The following UGGT2 variants were observed in gnomAD, a reference collection of about 807,000 sequenced individuals.
UGGT2 encodes the protein UDP-glucose:glycoprotein glucosyltransferase 2.
UGGT2 carries 180 observed loss-of-function variants against 192.1 expected under a neutral mutation model. The ratio of observed to expected loss-of-function variants is 0.94; its 90% CI spans 0.83 to 1.06. The LOEUF is 1.06. Ranked by LOEUF, UGGT2 falls within the 50% of genes least tolerant of loss-of-function variation. The pLI, the probability that UGGT2 is intolerant of heterozygous loss-of-function variation, is 0.00. For synonymous variants in UGGT2, 580 were observed against 591.0 expected, an observed-to-expected ratio of 0.98 and a Z score of 0.27; for missense variants, 1,849 against 1,795.7, an observed-to-expected ratio of 1.03 and a Z score of -0.54.
At chr13:96,049,118 A>G (rs1165499282) in intron 1 of UGGT2, among the ~76,000 whole-genome samples, 1 of 152,226 alleles carries the variant, frequency 6.6e-6, no homozygotes, top group Non-Finnish European at 1.5e-5. Flanking sequence ...CAGCATCTCA[A>G]AAAGCTTATC....
At chr13:95,935,022 GTTTGT>G (rs1255246638) in intron 17 of UGGT2, among the ~76,000 whole-genome samples, 2 of 152,114 alleles carry the variant, frequency 1.3e-5, no homozygotes, top group African/African-American at 4.8e-5. Context: ...TTGGTTTCAA[GTTTGT>G]TTTATCTAAG....
intron 38 of UGGT2, among the ~76,000 whole-genome samples, chr13:95,824,086 T>C (rs1296864759): frequency 6.6e-6 from 1 of 152,094 alleles, no homozygotes; most frequent in Non-Finnish European, 1.5e-5. Context: ...TGACTAACAG[T>C]TATTCTGTTT....
chr13:95,958,881 C>T (rs537962863), intron 12 of UGGT2, among the ~76,000 whole-genome samples: 30 of 152,272 alleles, frequency 2.0e-4, no homozygotes, highest in African/African-American at 6.5e-4. Flanking sequence ...TCCACGTTTC[C>T]ACTACGGACT....
chr13:95,812,332 C>T (rs1190401752), intron 38 of UGGT2, among the ~76,000 whole-genome samples: 1 of 152,070 alleles, frequency 6.6e-6, no homozygotes, highest in Non-Finnish European at 1.5e-5. Flanking sequence ...CACAGAACAC[C>T]CTTGTATAAA....
At chr13:95,905,739 C>T (rs1263556186) in intron 20 of UGGT2, among the ~76,000 whole-genome samples, 2 of 152,138 alleles carry the variant, frequency 1.3e-5, no homozygotes, top group Admixed American at 6.5e-5. Context: ...GTGATGCCTC[C>T]AGCTTTGTTC....
chr13:96,051,068 A>G (rs1355351336), intron 1 of UGGT2, among the ~76,000 whole-genome samples: 1 of 152,222 alleles, frequency 6.6e-6, no homozygotes, highest in African/African-American at 2.4e-5. Flanking sequence ...AATAGCAAAG[A>G]CTTGGAACCA....
chr13:96,011,780 A>G (rs1395381386), intron 5 of UGGT2, among the ~76,000 whole-genome samples: 2 of 152,120 alleles, frequency 1.3e-5, no homozygotes, highest in Non-Finnish European at 2.9e-5. Context: ...GAAACCCAAC[A>G]TTGTACATCA....
chr13:95,935,912 C>T (rs2049447242), intron 17 of UGGT2, among the ~76,000 whole-genome samples: 1 of 152,154 alleles, frequency 6.6e-6, no homozygotes, highest in South Asian at 2.1e-4. Context: ...CTGCAGCCTC[C>T]ATCTCCTAGG....
At chr13:95,949,873 A>C (rs558665605) in intron 12 of UGGT2, among the ~76,000 whole-genome samples, 28 of 152,304 alleles carry the variant, frequency 1.8e-4, no homozygotes, top group African/African-American at 6.3e-4. Flanking sequence ...TATAAAATCA[A>C]CATCTTAGAA....
At chr13:96,018,193 GC>G (rs1482503949) in intron 4 of UGGT2, among the ~76,000 whole-genome samples, 1 of 152,046 alleles carries the variant, frequency 6.6e-6, no homozygotes, top group Non-Finnish European at 1.5e-5. Flanking sequence ...GTCTGGAACT[GC>G]CCCAAAACTT....
intron 12 of UGGT2, among the ~76,000 whole-genome samples, chr13:95,953,315 G>A (rs74106068): frequency 0.012 from 1,758 of 152,268 alleles, 40 homozygotes; most frequent in African/African-American, 0.039. Flanking sequence ...TTAGTATTCC[G>A]TAAGAAAAAT....
chr13:96,051,193 G>A (rs966197061), intron 1 of UGGT2, among the ~76,000 whole-genome samples: 10 of 152,192 alleles, frequency 6.6e-5, no homozygotes, highest in Non-Finnish European at 1.3e-4. Flanking sequence ...GGACATGCAT[G>A]CAGCTGGAAA....
intron 5 of UGGT2, among the ~76,000 whole-genome samples, chr13:96,009,277 C>T (rs750567706): frequency 1.1e-4 from 16 of 152,022 alleles, no homozygotes; most frequent in Non-Finnish European, 2.2e-4. Flanking sequence ...TGGACATGGG[C>T]CCTGGCAAAG....
At chr13:95,995,940 G>A in intron 7 of UGGT2, 123 bp downstream of exon 7, 1 of 782,982 alleles carries the variant, frequency 1.3e-6, no homozygotes, top group Non-Finnish European at 2.2e-6. Context: ...ACAATCGTAT[G>A]TGTGTGTGTT....
chr13:95,803,549 C>T (rs556552134), intron 38 of UGGT2, among the ~76,000 whole-genome samples: 20 of 152,252 alleles, frequency 1.3e-4, no homozygotes, highest in South Asian at 1.2e-3. Flanking sequence ...TGTGATTCAC[C>T]GTGCCCGGCC....
chr13:95,863,561 G>A, intron 31 of UGGT2, 68 bp downstream of exon 31: 1 of 1,298,538 alleles, frequency 7.7e-7, no homozygotes, highest in East Asian at 2.3e-5. Context: ...TTCACTACCT[G>A]TGGAACTTCC....
chr13:95,985,296 A>T (rs995925003), intron 9 of UGGT2: 1 of 1,289,326 alleles, frequency 7.8e-7, no homozygotes, highest in Non-Finnish European at 1.0e-6. Context: ...CTTGACATTT[A>T]AAGTTGACTG....
At chr13:95,825,021 G>A (rs939547515) in intron 38 of UGGT2, among the ~76,000 whole-genome samples, 2 of 152,108 alleles carry the variant, frequency 1.3e-5, no homozygotes, top group African/African-American at 4.8e-5. Flanking sequence ...GCTTTTGGGA[G>A]TGAAGACTCT....
At chr13:96,032,116 T>C (rs2052854580) in intron 1 of UGGT2, 145 bp from the exon 2 acceptor site, 2 of 532,142 alleles carry the variant, frequency 3.8e-6, no homozygotes, top group Admixed American at 3.6e-5. Flanking sequence ...TTCCATTTAC[T>C]ATAACACTGG....
Sources: allele counts gnomAD v4.1 joint callset (sites outside exome capture counted in the v4.1 genomes callset), GRCh38; gene constraint gnomAD v4.1.1; transcripts MANE v1.5; gene names NCBI Gene and HGNC (gene_info 2026-07-23, HGNC 2026-07-21).